The following FMNL2 variants were observed in gnomAD, a reference collection of about 807,000 sequenced individuals.
FMNL2 encodes the protein formin-like protein 2.
In FMNL2, 51 loss-of-function variants were observed where a neutral mutation model predicts 130.2. The observed-to-expected ratio is 0.39, with a 90% confidence interval of 0.31 to 0.49. FMNL2 has a LOEUF of 0.49. Among genes scored for constraint, FMNL2 ranks in the 20% least tolerant of loss-of-function variants. The pLI is 0.85. For synonymous variants in FMNL2, 465 were observed against 467.1 expected (o/e 1.00, Z 0.06); for missense variants, 977 against 1,316.2 (o/e 0.74, Z 3.99).
At chr2:152,422,629 A>T (rs1686980756) in intron 1 of FMNL2, among the ~76,000 whole-genome samples, 1 of 152,126 alleles carries the variant, frequency 6.6e-6, no homozygotes, top group South Asian at 2.1e-4. Flanking sequence ...GCTCACCTCA[A>T]GCCATCCTCC....
At chr2:152,351,882 A>G (rs1424931903) in intron 1 of FMNL2, among the ~76,000 whole-genome samples, 1 of 152,160 alleles carries the variant, frequency 6.6e-6, no homozygotes, top group Admixed American at 6.6e-5. Context: ...GACTTTAATA[A>G]TCACCATTCT....
chr2:152,345,061 G>A (rs1682036012), intron 1 of FMNL2, among the ~76,000 whole-genome samples: 1 of 152,218 alleles, frequency 6.6e-6, no homozygotes, highest in South Asian at 2.1e-4. Context: ...GGGGTTTGAG[G>A]ACAGCATATG....
At chr2:152,362,441 A>AT (rs768544742) in intron 1 of FMNL2, among the ~76,000 whole-genome samples, 2 of 152,214 alleles carry the variant, frequency 1.3e-5, no homozygotes, top group African/African-American at 2.4e-5. Context: ...AACAGAGGTA[A>AT]AATGGAGTAA....
intron 1 of FMNL2, among the ~76,000 whole-genome samples, chr2:152,467,729 A>G (rs553355152): frequency 1.3e-5 from 2 of 152,350 alleles, no homozygotes; most frequent in African/African-American, 4.8e-5. Context: ...CAGCATATGC[A>G]TGTGTGCACA....
Position 152,625,551 on chromosome 2 carries a change from C to A in FMNL2, c.1951C>A (p.Arg651=), listed in dbSNP as rs748268997. The A allele has an allele frequency of 3.7e-6, 6 of 1,602,382 alleles. No individual in the cohort carries two copies. The African/African-American group carries it at 8.0e-5, about 21-fold the overall frequency. ...GTVFNEIDDE[R]ILEDLNVDEF... The stretch of plus-strand genomic sequence containing the variant: ...AGTCTTCAATGAAATTGATGATGAG[C>A]GAATTCTGGAGGTATTTTTCTCATT... The change falls in exon 16 of 26, where the codon CGA becomes AGA. Residue 651 remains arginine, a synonymous_variant. Coordinates refer to ENST00000288670, the MANE Select transcript of FMNL2 (RefSeq NM_052905.4).
At chr2:152,336,724 G>A (rs1006053300) in intron 1 of FMNL2, among the ~76,000 whole-genome samples, 1 of 152,154 alleles carries the variant, frequency 6.6e-6, no homozygotes, top group African/African-American at 2.4e-5. Context: ...TCTAAGGGAT[G>A]TTGGGAGGGA....
intron 16 of FMNL2, among the ~76,000 whole-genome samples, chr2:152,625,989 G>A (rs909284503): frequency 1.3e-5 from 2 of 151,648 alleles, no homozygotes; most frequent in Non-Finnish European, 1.5e-5. Flanking sequence ...GGTTAGAATC[G>A]GTAGTCTAAT....
At chr2:152,639,856 T>A in intron 23 of FMNL2, 102 bp from the exon 24 acceptor site, 8 of 790,674 alleles carry the variant, frequency 1.0e-5, no homozygotes, top group South Asian at 3.7e-5. Flanking sequence ...CCATTTATTG[T>A]AATTCTCAAC....
intron 9 of FMNL2, among the ~76,000 whole-genome samples, chr2:152,603,612 T>C (rs1322863662): frequency 4.0e-5 from 6 of 150,942 alleles, no homozygotes; most frequent in Non-Finnish European, 3.0e-5. Flanking sequence ...GCTTGTTCTA[T>C]ATTTGATGCC....
At chr2:152,566,044 T>TTA (rs1335206782) in intron 6 of FMNL2, among the ~76,000 whole-genome samples, 1 of 152,148 alleles carries the variant, frequency 6.6e-6, no homozygotes, top group African/African-American at 2.4e-5. Flanking sequence ...CTTCTCAAAG[T>TTA]GCTGGGATTA....
chr2:152,614,540 C>T (rs1012909490), intron 11 of FMNL2, among the ~76,000 whole-genome samples: 15 of 151,988 alleles, frequency 9.9e-5, no homozygotes, highest in African/African-American at 3.6e-4. Context: ...GTCAGGAGAT[C>T]GAGACCATCC....
chr2:152,602,317 T>C (rs1698121993), intron 9 of FMNL2, among the ~76,000 whole-genome samples: 2 of 152,184 alleles, frequency 1.3e-5, no homozygotes, highest in Admixed American at 6.5e-5. Context: ...TATAGATGAT[T>C]TATAATGAAG....
chr2:152,431,660 G>T (rs142935770), intron 1 of FMNL2, among the ~76,000 whole-genome samples: 1 of 152,180 alleles, frequency 6.6e-6, no homozygotes, highest in Non-Finnish European at 1.5e-5. Flanking sequence ...AATGTGCCGC[G>T]TGTCTGTTTT....
At chr2:152,529,592 A>G (rs1390959013) in intron 2 of FMNL2, among the ~76,000 whole-genome samples, 1 of 152,172 alleles carries the variant, frequency 6.6e-6, no homozygotes, top group Non-Finnish European at 1.5e-5. Flanking sequence ...TGGAAAAGCA[A>G]TCAAATAGCA....
intron 1 of FMNL2, among the ~76,000 whole-genome samples, chr2:152,442,437 A>G (rs752598758): frequency 1.3e-5 from 2 of 151,614 alleles, no homozygotes; most frequent in Non-Finnish European, 2.9e-5. Flanking sequence ...TTTTTATGAG[A>G]GATGTTTCAC....
chr2:152,513,863 ATGAC>A (rs1055436577), intron 1 of FMNL2, among the ~76,000 whole-genome samples: 1 of 152,208 alleles, frequency 6.6e-6, no homozygotes, highest in Admixed American at 6.5e-5. Context: ...ACAATGAAAA[ATGAC>A]TGACTGGTGA....
intron 1 of FMNL2, among the ~76,000 whole-genome samples, chr2:152,497,095 A>T (rs772835654): frequency 6.6e-6 from 1 of 152,176 alleles, no homozygotes; most frequent in Non-Finnish European, 1.5e-5. Flanking sequence ...ATACATATAC[A>T]TATGCACACG....
At chr2:152,392,614 G>T (rs983271955) in intron 1 of FMNL2, among the ~76,000 whole-genome samples, 2 of 152,178 alleles carry the variant, frequency 1.3e-5, no homozygotes, top group African/African-American at 4.8e-5. Context: ...AATGCGGAGT[G>T]AAGCCTCTTT....
intron 1 of FMNL2, among the ~76,000 whole-genome samples, chr2:152,444,631 T>C (rs1304202772): frequency 6.6e-6 from 1 of 152,238 alleles, no homozygotes; most frequent in Admixed American, 6.5e-5. Context: ...AGGAAGAGAC[T>C]GAATCCTGGA....
Sources: allele counts gnomAD v4.1 joint callset (sites outside exome capture counted in the v4.1 genomes callset), GRCh38; gene constraint gnomAD v4.1.1; transcripts MANE v1.5; gene names NCBI Gene and HGNC (gene_info 2026-07-23, HGNC 2026-07-21).